CD9: variants seen among roughly 807,000 people sequenced by gnomAD.
The protein encoded by CD9 is CD9 antigen.
Under a neutral mutation model 31.4 loss-of-function variants are expected in CD9, and 10 were observed. The observed-to-expected ratio is 0.32, with a 90% CI of 0.20 to 0.54. The LOEUF is 0.54. Ranked by LOEUF, CD9 falls within the 20% of genes least tolerant of loss-of-function variation. CD9 has a pLI of 0.94. For synonymous variants in CD9, 113 were observed against 114.1 expected, an observed-to-expected ratio of 0.99 and a Z score of 0.06; for missense variants, 259 against 300.1, an observed-to-expected ratio of 0.86 and a Z score of 1.01.
chr12:6,218,594 C>T (rs1033861292), intron 1 of CD9, among the ~76,000 whole-genome samples: 2 of 152,224 alleles, frequency 1.3e-5, no homozygotes, highest in Admixed American at 6.5e-5. Flanking sequence ...CAGCCAGGTG[C>T]CCCTAAGCTC....
chr12:6,232,953 T>G lies in CD9; in HGVS notation c.273+224T>G. On this transcript the variant is annotated intron_variant, in intron 3 of 7. Coordinates refer to ENST00000009180, the MANE Select transcript of CD9 (RefSeq NM_001769.4). The surrounding 1 kb of genome is among the most constrained non-coding windows in gnomAD (Gnocchi z 4.8). Reference sequence around the variant, plus strand: ...TTCCCCTAGGCAACTAAAAGGACTATGTTTCCCCCTTTTCTCGAGGACCAC... The same window carrying G: ...TTCCCCTAGGCAACTAAAAGGACTAGGTTTCCCCCTTTTCTCGAGGACCAC... 1.4e-6 allele frequency: 1 copy of G among 702,552 alleles called. No homozygotes were observed. Among genetic ancestry groups the G allele is most frequent in the Admixed American group, 2.0e-5 (1 of 50,006 alleles). 43.5% of individuals were successfully genotyped at this position (702,552 alleles called of 1,614,324 possible). A position where few individuals can be genotyped will look rare whatever the true frequency, so the allele number is the denominator to read the frequency against.
At chr12:6,236,462 C>T in intron 7 of CD9, 187 bp downstream of exon 7, 1 of 610,350 alleles carries the variant, frequency 1.6e-6, no homozygotes, top group Non-Finnish European at 2.9e-6. Flanking sequence ...CAAAGCCTCT[C>T]ACCTCCTGAG....
intron 1 of CD9, among the ~76,000 whole-genome samples, chr12:6,206,850 A>G (rs904505260): frequency 6.6e-6 from 1 of 151,736 alleles, no homozygotes; most frequent in African/African-American, 2.4e-5. Flanking sequence ...TGGAATCAGT[A>G]CGACCTGCCT....
Position 6,232,102 on chromosome 12 carries a change from C to T in CD9, c.176-530C>T, listed in dbSNP as rs1047086009. The T allele has an allele frequency of 2.9e-5, 5 of 170,904 alleles. No homozygotes were observed. Among genetic ancestry groups the T allele is most frequent in the Admixed American group, 1.1e-4 (2 of 18,480 alleles). 10.6% of individuals were successfully genotyped at this position (170,904 alleles called of 1,614,324 possible). Reference sequence around the variant, plus strand: ...CACCCAGCAACAGGGCAAAGAGGCCCGCCTTCTGGGAACAGGCAGAGTTGG... The same window carrying T: ...CACCCAGCAACAGGGCAAAGAGGCCTGCCTTCTGGGAACAGGCAGAGTTGG... On this transcript the variant is annotated intron_variant, in intron 2 of 7. Transcript: ENST00000009180. This position sits in a 1 kb window ranked among gnomAD's most constrained non-coding sequence, Gnocchi z 4.8.
At chr12:6,214,344 CTTTTTTTT>C (rs71450123) in intron 1 of CD9, among the ~76,000 whole-genome samples, 113 of 67,074 alleles carry the variant, frequency 1.7e-3, no homozygotes, top group African/African-American at 4.7e-3. Context: ...CCATTAGCCT[CTTTTTTTT>C]TTTTTTTTTT....
chr12:6,202,656 G>A (rs1027026193), intron 1 of CD9, among the ~76,000 whole-genome samples: 2 of 152,226 alleles, frequency 1.3e-5, no homozygotes, highest in African/African-American at 2.4e-5. Flanking sequence ...CAATCTGTCC[G>A]TACTGTCCTC....
At chr12:6,207,627 AGTCTC>A (rs910013896) in intron 1 of CD9, among the ~76,000 whole-genome samples, 4 of 152,224 alleles carry the variant, frequency 2.6e-5, no homozygotes, top group African/African-American at 9.6e-5. Context: ...GCAGACGGAA[AGTCTC>A]GTCCTCTGAG....
Position 6,232,553 on chromosome 12 carries a change from G to T in CD9, c.176-79G>T, listed in dbSNP as rs1946460013. On this transcript the variant is annotated intron_variant, in intron 2 of 7. Transcript: ENST00000009180. This position sits in a 1 kb window ranked among gnomAD's most constrained non-coding sequence, Gnocchi z 4.8. Reference sequence around the variant, plus strand: ...GTGGGGAGGCAGGAGTTAGGCAGAGGGAAACAGGAATTGCCGGAGATGCCT... The same window carrying T: ...GTGGGGAGGCAGGAGTTAGGCAGAGTGAAACAGGAATTGCCGGAGATGCCT... 3.4e-6 allele frequency: 3 copies of T among 872,040 alleles called. No individual in the cohort carries two copies. The highest frequency in any genetic ancestry group is 5.6e-6 in the Non-Finnish European group (3 of 537,544). 54.0% of individuals were successfully genotyped at this position (872,040 alleles called of 1,614,324 possible). A position where few individuals can be genotyped will look rare whatever the true frequency, so the allele number is the denominator to read the frequency against.
chr12:6,204,515 T>C (rs368673951), intron 1 of CD9, among the ~76,000 whole-genome samples: 2 of 152,190 alleles, frequency 1.3e-5, no homozygotes, highest in African/African-American at 4.8e-5. Context: ...TTTTCTTTGC[T>C]GTTGCTTCTC....
In CD9 at chr12:6,232,303, C is replaced by A. The variant is rs1418240230; in HGVS notation, c.176-329C>A. The A allele has an allele frequency of 1.2e-5, 5 of 404,326 alleles. No individual in the cohort carries two copies. Among genetic ancestry groups the A allele is most frequent in the Non-Finnish European group, 2.3e-5 (5 of 217,576 alleles). The allele number at this position is 404,326 out of a possible 1,614,324, so 25.0% of individuals were successfully genotyped here. A position where few individuals can be genotyped will look rare whatever the true frequency, so the allele number is the denominator to read the frequency against. ...TGCTGGAAAGAGCTGACAGACTGGA[C>A]CAGTTTGCATTCCGAATGTAGGGAT... is the stretch of plus-strand genomic sequence containing the variant. On this transcript the variant is annotated intron_variant, in intron 2 of 7. Transcript: ENST00000009180. The surrounding 1 kb of genome is among the most constrained non-coding windows in gnomAD (Gnocchi z 4.8).
intron 7 of CD9, among the ~76,000 whole-genome samples, chr12:6,237,328 C>G (rs1946534887): frequency 6.6e-6 from 1 of 152,018 alleles, no homozygotes; most frequent in Non-Finnish European, 1.5e-5. Flanking sequence ...GAGGCCGAGG[C>G]AGGCGGATCG....
At chr12:6,225,625 G>A in intron 2 of CD9, 91 bp downstream of exon 2, 1 of 799,212 alleles carries the variant, frequency 1.3e-6, no homozygotes, top group Admixed American at 2.1e-5. Flanking sequence ...CAGGGACTTG[G>A]GCTTGGGAAA....
intron 2 of CD9, among the ~76,000 whole-genome samples, chr12:6,230,908 G>A (rs933713583): frequency 1.3e-5 from 2 of 152,216 alleles, no homozygotes; most frequent in South Asian, 2.1e-4. Context: ...GGGGAGAAGG[G>A]GGAGGAACAA....
At position 6,236,949 on chromosome 12, in the gene CD9, G is replaced by A. The variant is rs190220070; in HGVS notation, c.621+674G>A. Among the ~76,000 whole-genome samples, 14 of 152,102 alleles carry A rather than the reference G, an allele frequency of 9.2e-5. No homozygotes were observed. The East Asian group carries it at 2.5e-3, about 27-fold the overall frequency. Reference sequence around the variant, plus strand: ...TAAGAAAGGCATGAAGCACCTTTCAGCAAAATATACGACAATACCTTCTTT... The same window carrying A: ...TAAGAAAGGCATGAAGCACCTTTCAACAAAATATACGACAATACCTTCTTT... On this transcript the variant is annotated intron_variant, in intron 7 of 7. Coordinates refer to ENST00000009180, the MANE Select transcript of CD9 (RefSeq NM_001769.4).
chr12:6,231,930 C>T (rs931633831), intron 2 of CD9, among the ~76,000 whole-genome samples: 3 of 152,082 alleles, frequency 2.0e-5, no homozygotes, highest in African/African-American at 7.2e-5. Context: ...AATGTCTTAC[C>T]CCAGGTCACA....
chr12:6,235,175 T>C lies in CD9; in HGVS notation c.349-54T>C, dbSNP rs1305691150. 4 of 1,244,616 alleles carry C rather than the reference T, an allele frequency of 3.2e-6. No homozygotes were observed. The African/African-American group carries it at 5.9e-5, about 18-fold the overall frequency. The allele number at this position is 1,244,616 out of a possible 1,614,324, so 77.1% of individuals were successfully genotyped here. ...AGATGGAACGCATAACATTTGTTCG[T>C]GGAGGAAGATGTGAAAATGCCGTCT... On this transcript the variant is annotated intron_variant, in intron 4 of 7. Coordinates refer to ENST00000009180, the MANE Select transcript of CD9 (RefSeq NM_001769.4).
intron 2 of CD9, among the ~76,000 whole-genome samples, chr12:6,230,772 C>T (rs1045382724): frequency 2.6e-5 from 4 of 152,262 alleles, no homozygotes; most frequent in African/African-American, 9.6e-5. Flanking sequence ...TGCGACCTGA[C>T]TTGAGGACAA....
At chr12:6,237,163 T>G (rs1175827850) in intron 7 of CD9, among the ~76,000 whole-genome samples, 1 of 152,024 alleles carries the variant, frequency 6.6e-6, no homozygotes, top group Non-Finnish European at 1.5e-5. Context: ...TTAGTAGAGA[T>G]GGGGTTTCAC....
intron 1 of CD9, among the ~76,000 whole-genome samples, chr12:6,209,974 C>T (rs1048750498): frequency 1.3e-5 from 2 of 152,166 alleles, no homozygotes; most frequent in South Asian, 2.1e-4. Flanking sequence ...CGTGAGTCAC[C>T]GCGCCCAGCT....
Sources: gnomAD v4.1 joint callset for allele counts (sites outside exome capture counted in the v4.1 genomes callset) on GRCh38, gnomAD v4.1.1 for gene constraint, Gnocchi (gnomAD v3.1) non-coding constraint, MANE v1.5 for transcripts, NCBI Gene and HGNC (gene_info 2026-07-23, HGNC 2026-07-21) for gene names.